The following ADAMTS19 variants were observed in gnomAD, a reference collection of about 807,000 sequenced individuals.
ADAMTS19 encodes the protein A disintegrin and metalloproteinase with thrombospondin motifs 19.
In ADAMTS19, 93 loss-of-function variants were observed where a neutral mutation model predicts 153.3. The observed-to-expected ratio is 0.61, with a 90% CI of 0.51 to 0.72. The LOEUF is 0.72. Among genes scored for constraint, ADAMTS19 ranks in the 30% least tolerant of loss-of-function variants. The pLI is 0.00. For missense variants in ADAMTS19, 1,482 were observed against 1,552.1 expected, an observed-to-expected ratio of 0.95 and a Z score of 0.76; for synonymous variants, 600 against 556.6, an observed-to-expected ratio of 1.08 and a Z score of -1.10.
At position 129,665,482 on chromosome 5, in the gene ADAMTS19, T is replaced by C. The variant is rs772548807; in HGVS notation, c.2426-17T>C. On this transcript the variant is annotated splice_polypyrimidine_tract_variant and intron_variant, in intron 15 of 22. Transcript: ENST00000274487. ...AAGGAACTCAAGATTTATTTCATGT[T>C]TTATTGACTCTTACAGGTTATGTAG... 6.4e-7 allele frequency: 1 copy of C among 1,563,742 alleles called. No individual in the cohort carries two copies. The highest frequency in any genetic ancestry group is 1.2e-5 in the South Asian group (1 of 84,934).
At chr5:129,736,976 C>CA in intron 22 of ADAMTS19, 91 bp from the exon 23 acceptor site, 1 of 1,292,700 alleles carries the variant, frequency 7.7e-7, no homozygotes, top group East Asian at 2.6e-5. Flanking sequence ...AGAGAGTGTA[C>CA]AAAATCCGCC....
At chr5:129,622,426 T>C in intron 10 of ADAMTS19, 78 bp downstream of exon 10, 2 of 1,523,242 alleles carry the variant, frequency 1.3e-6, no homozygotes, top group Non-Finnish European at 1.8e-6. Flanking sequence ...TAACATTATT[T>C]TAGGGTTTGT....
chr5:129,716,591 C>A, intron 21 of ADAMTS19, among the ~76,000 whole-genome samples: 1 of 136,002 alleles, frequency 7.4e-6, no homozygotes. Context: ...TTTTTTTTTC[C>A]AAAACATTTC....
intron 17 of ADAMTS19, among the ~76,000 whole-genome samples, chr5:129,682,550 A>G (rs1301010186): frequency 1.3e-5 from 2 of 152,228 alleles, no homozygotes; most frequent in Non-Finnish European, 2.9e-5. Context: ...ATAAGTTGAC[A>G]AATAGCTGGT....
chr5:129,502,120 G>A (rs1474932712), intron 2 of ADAMTS19, among the ~76,000 whole-genome samples: 2 of 152,088 alleles, frequency 1.3e-5, no homozygotes, highest in Non-Finnish European at 2.9e-5. Context: ...CCAGCCTTGG[G>A]ATGAGAAACA....
At chr5:129,702,525 T>C (rs1481380501) in intron 20 of ADAMTS19, among the ~76,000 whole-genome samples, 1 of 152,176 alleles carries the variant, frequency 6.6e-6, no homozygotes, top group Admixed American at 6.5e-5. Context: ...TTTCTAAATG[T>C]CTGTCAATTA....
At chr5:129,576,996 G>A (rs1254687709) in intron 7 of ADAMTS19, among the ~76,000 whole-genome samples, 2 of 151,988 alleles carry the variant, frequency 1.3e-5, no homozygotes, top group African/African-American at 4.8e-5. Flanking sequence ...CGGAGTCAAC[G>A]TGGGCTCAGG....
At chr5:129,483,620 C>A (rs1580994511) in intron 2 of ADAMTS19, among the ~76,000 whole-genome samples, 6 of 152,066 alleles carry the variant, frequency 3.9e-5, no homozygotes. Flanking sequence ...AAGGGCCTGG[C>A]AACTAGTGTC....
chr5:129,524,011 C>A (rs945518337), intron 3 of ADAMTS19, among the ~76,000 whole-genome samples: 2 of 152,034 alleles, frequency 1.3e-5, no homozygotes, highest in Admixed American at 6.6e-5. Flanking sequence ...CAAGACAATC[C>A]TAAGCAAAAA....
At chr5:129,529,700 C>T (rs552081431) in intron 6 of ADAMTS19, among the ~76,000 whole-genome samples, 25 of 152,204 alleles carry the variant, frequency 1.6e-4, no homozygotes, top group Non-Finnish European at 3.2e-4. Flanking sequence ...GCACAGTGAT[C>T]CTGCTGAGGA....
chr5:129,614,274 C>T (rs1751392012), intron 8 of ADAMTS19, among the ~76,000 whole-genome samples: 1 of 152,110 alleles, frequency 6.6e-6, no homozygotes, highest in Non-Finnish European at 1.5e-5. Flanking sequence ...AACATCAGAG[C>T]AAAAATCTTC....
intron 7 of ADAMTS19, among the ~76,000 whole-genome samples, chr5:129,581,913 TTGAG>T (rs1749535416): frequency 6.6e-6 from 1 of 152,154 alleles, no homozygotes; most frequent in African/African-American, 2.4e-5. Flanking sequence ...TTGTGCGGTT[TTGAG>T]TGAGTTTCTT....
chr5:129,703,369 C>T (rs969187858), intron 20 of ADAMTS19, among the ~76,000 whole-genome samples: 3 of 151,868 alleles, frequency 2.0e-5, no homozygotes, highest in Admixed American at 6.6e-5. Context: ...GAATTTTGAA[C>T]CAAATTGTAT....
At chr5:129,471,504 ACT>A (rs1561529582) in intron 2 of ADAMTS19, among the ~76,000 whole-genome samples, 4 of 150,096 alleles carry the variant, frequency 2.7e-5, no homozygotes, top group African/African-American at 7.5e-5. Flanking sequence ...GGCAGGCAAG[ACT>A]CTGTCTCTAA....
intron 7 of ADAMTS19, among the ~76,000 whole-genome samples, chr5:129,593,330 A>C (rs1048011340): frequency 3.3e-5 from 5 of 152,140 alleles, no homozygotes; most frequent in Non-Finnish European, 7.3e-5. Context: ...TTTCACGTTT[A>C]TATTATTAGT....
At chr5:129,608,351 A>G (rs1751030442) in intron 8 of ADAMTS19, among the ~76,000 whole-genome samples, 1 of 151,658 alleles carries the variant, frequency 6.6e-6, no homozygotes, top group South Asian at 2.1e-4. Context: ...GATGAGGGGA[A>G]TGGGGAGATA....
rs145940869 is a variant in ADAMTS19, at chr5:129,679,849, T to A, written c.2592T>A (p.Val864=). 2 of 1,614,024 alleles carry A rather than the reference T, an allele frequency of 1.2e-6. No individual in the cohort carries two copies. Among genetic ancestry groups the A allele is most frequent in the Non-Finnish European group, 8.5e-7 (1 of 1,179,956 alleles). The part of the protein sequence containing the change: ...SGAFNLAGTT[V]HYVRRGLWEK... ...CCTTCAATTTGGCTGGAACTACCGT[T>A]CATTATGTAAGACGAGGCCTCTGGG... The change falls in exon 17 of 23, where the codon GTT becomes GTA. Residue 864 remains valine, a synonymous_variant. Coordinates refer to ENST00000274487, the MANE Select transcript of ADAMTS19 (RefSeq NM_133638.6).
At chr5:129,670,686 T>G (rs571252802) in intron 16 of ADAMTS19, among the ~76,000 whole-genome samples, 3 of 152,322 alleles carry the variant, frequency 2.0e-5, no homozygotes, top group East Asian at 3.9e-4. Context: ...TTCTTTAAAC[T>G]TATCCCATAT....
chr5:129,538,631 AAAG>A (rs1279551063), intron 6 of ADAMTS19, among the ~76,000 whole-genome samples: 2 of 152,116 alleles, frequency 1.3e-5, no homozygotes, highest in Non-Finnish European at 2.9e-5. Flanking sequence ...CAAAGAGCAT[AAAG>A]AATAACATAA....
Sources: allele counts gnomAD v4.1 joint callset (sites outside exome capture counted in the v4.1 genomes callset), GRCh38; gene constraint gnomAD v4.1.1; transcripts MANE v1.5; gene names NCBI Gene and HGNC (gene_info 2026-07-23, HGNC 2026-07-21).